Variants in PHF20 observed in about 807,000 individuals in gnomAD.
The protein encoded by PHF20 is glioma-expressed antigen 2.
Under a neutral mutation model 113.5 loss-of-function variants are expected in PHF20, and 23 were observed. The ratio of observed to expected loss-of-function variants is 0.20; its 90% CI spans 0.15 to 0.29. The LOEUF is 0.29. Ranked by LOEUF, PHF20 falls within the 10% of genes least tolerant of loss-of-function variation. PHF20 has a pLI of 1.00. For missense variants in PHF20, 943 were observed against 1,219.6 expected, an observed-to-expected ratio of 0.77 and a Z score of 3.38; for synonymous variants, 434 against 457.3, an observed-to-expected ratio of 0.95 and a Z score of 0.65.
intron 17 of PHF20, among the ~76,000 whole-genome samples, chr20:35,944,014 A>G (rs2056040330): frequency 1.3e-5 from 2 of 152,242 alleles, no homozygotes; most frequent in African/African-American, 4.8e-5. Context: ...TCTTAAATAA[A>G]AAATGTTGCC....
intron 2 of PHF20, among the ~76,000 whole-genome samples, chr20:35,822,684 A>G (rs1200994355): frequency 1.3e-5 from 2 of 148,888 alleles, no homozygotes; most frequent in Non-Finnish European, 3.0e-5. Flanking sequence ...AAATAAAACA[A>G]ATTAGCTGGG....
chr20:35,781,979 T>C (rs573493261), intron 1 of PHF20, among the ~76,000 whole-genome samples: 6 of 152,110 alleles, frequency 3.9e-5, no homozygotes, highest in Non-Finnish European at 7.4e-5. Flanking sequence ...TCTGTACCCA[T>C]TAAACACTGA....
intron 2 of PHF20, among the ~76,000 whole-genome samples, chr20:35,831,469 A>C (rs980048752): frequency 1.3e-5 from 2 of 152,256 alleles, no homozygotes; most frequent in Admixed American, 6.5e-5. Flanking sequence ...TGGGCTGATT[A>C]AATTTTTTTA....
intron 9 of PHF20, among the ~76,000 whole-genome samples, chr20:35,884,141 C>G (rs1236618185): frequency 6.6e-6 from 1 of 152,200 alleles, no homozygotes; most frequent in African/African-American, 2.4e-5. Context: ...GTTGAGAACT[C>G]ATTCACCAGG....
intron 9 of PHF20, among the ~76,000 whole-genome samples, chr20:35,895,879 G>A (rs1164599305): frequency 1.3e-5 from 2 of 151,814 alleles, no homozygotes; most frequent in Non-Finnish European, 2.9e-5. Context: ...TGGAAATGGG[G>A]TTTCACCATG....
intron 3 of PHF20, 47 bp from the exon 4 acceptor site, chr20:35,847,303 A>G: frequency 1.5e-6 from 2 of 1,329,156 alleles, no homozygotes; most frequent in Non-Finnish European, 2.1e-6. Context: ...ATGTCCTGTG[A>G]AATTAGGTTG....
intron 10 of PHF20, among the ~76,000 whole-genome samples, chr20:35,912,225 G>T (rs1253051332): frequency 4.0e-5 from 6 of 151,372 alleles, no homozygotes; most frequent in Admixed American, 1.3e-4. Context: ...TGATCTGCCC[G>T]CCTGGGCCTC....
chr20:35,804,229 G>GTTTTT (rs1216930263), intron 2 of PHF20, among the ~76,000 whole-genome samples: 32 of 99,564 alleles, frequency 3.2e-4, no homozygotes, highest in Middle Eastern at 6.5e-3. Context: ...GCTACTGTAT[G>GTTTTT]TTTTTTTTTT....
chr20:35,854,570 T>G (rs1317486969), intron 4 of PHF20, among the ~76,000 whole-genome samples: 4 of 152,136 alleles, frequency 2.6e-5, no homozygotes, highest in Admixed American at 2.6e-4. Flanking sequence ...TCTGTCTGAT[T>G]TATTGAAGCC....
chr20:35,828,511 C>T (rs185067772), intron 2 of PHF20, among the ~76,000 whole-genome samples: 7 of 152,270 alleles, frequency 4.6e-5, no homozygotes, highest in African/African-American at 1.2e-4. Flanking sequence ...AGTTTAAGCA[C>T]GTGCACGGTA....
At chr20:35,899,709 T>A in intron 10 of PHF20, 61 bp downstream of exon 10, 1 of 1,541,236 alleles carries the variant, frequency 6.5e-7, no homozygotes, top group Non-Finnish European at 8.9e-7. Context: ...ACAGTGCTTG[T>A]GTTTTCTGAC....
intron 13 of PHF20, among the ~76,000 whole-genome samples, chr20:35,924,624 G>A (rs1268272959): frequency 2.0e-5 from 3 of 151,090 alleles, no homozygotes; most frequent in Admixed American, 2.0e-4. Context: ...ACGGAGATTC[G>A]CTCTGTCACC....
intron 1 of PHF20, among the ~76,000 whole-genome samples, chr20:35,797,014 T>G (rs1485248515): frequency 6.6e-6 from 1 of 151,110 alleles, no homozygotes; most frequent in Non-Finnish European, 1.5e-5. Flanking sequence ...AATTTGCAGG[T>G]TTTTTTTTGG....
intron 17 of PHF20, 58 bp from the exon 18 acceptor site, chr20:35,947,427 T>G: frequency 6.4e-7 from 1 of 1,570,022 alleles, no homozygotes; most frequent in African/African-American, 1.4e-5. Flanking sequence ...CTTGCTGATG[T>G]TCTTGCAAAT....
intron 5 of PHF20, among the ~76,000 whole-genome samples, chr20:35,858,844 A>G (rs1373697559): frequency 4.6e-5 from 7 of 152,214 alleles, no homozygotes; most frequent in Admixed American, 4.6e-4. Flanking sequence ...AGGTGCTGGG[A>G]TTACAGGTGT....
At chr20:35,925,414 C>T (rs1376877134) in intron 13 of PHF20, among the ~76,000 whole-genome samples, 1 of 152,022 alleles carries the variant, frequency 6.6e-6, no homozygotes, top group Non-Finnish European at 1.5e-5. Context: ...AGGCGCCTGC[C>T]ACCATGCCTC....
At position 35,917,666 on chromosome 20, in the gene PHF20, G is replaced by A. The variant is rs1371751201; in HGVS notation, c.2004+4G>A. On this transcript the variant is annotated splice_donor_region_variant and intron_variant, in intron 13 of 17. Coordinates refer to ENST00000374012, the MANE Select transcript of PHF20 (RefSeq NM_016436.5). ...GGAAAATGACTTCATGATTCAGGTA[G>A]GCAGAGCTTCCAGGAAACAGGTCTA... is the stretch of plus-strand genomic sequence containing the variant. 6 of 1,611,460 alleles carry A rather than the reference G, an allele frequency of 3.7e-6. 1 individual carries two copies. The Admixed American group carries it at 1.0e-4, about 27-fold the overall frequency.
At position 35,871,700 on chromosome 20, in the gene PHF20, T is replaced by C. The variant is rs1465473011; in HGVS notation, c.1153T>C (p.Cys385Arg). The C allele has an allele frequency of 1.2e-6, 2 of 1,613,804 alleles. No homozygotes were observed. Among genetic ancestry groups the C allele is most frequent in the Non-Finnish European group, 1.7e-6 (2 of 1,179,862 alleles). The change falls in exon 9 of 18, where the codon TGC becomes CGC. Residue 385 changes from cysteine (C) to arginine (R), a missense_variant. This residue lies in a region of PHF20 where 592 missense variants were observed against 787.2 expected (regional missense o/e 0.75). Transcript: ENST00000374012. ...TGGCCAGGTCTCATCTGCACTGACT[T>C]GCCACTCCTTTGGGGATGGATCCGG... Reference protein sequence around the residue: ...EAGQVSSALTCHSFGDGSGAA... With the variant: ...EAGQVSSALTRHSFGDGSGAA...
intron 10 of PHF20, among the ~76,000 whole-genome samples, chr20:35,910,970 G>A (rs1046985454): frequency 3.3e-5 from 5 of 152,146 alleles, no homozygotes; most frequent in South Asian, 4.2e-4. Context: ...CCTGCAGTGC[G>A]CACTTGTTTT....
Sources: allele counts gnomAD v4.1 joint callset (sites outside exome capture counted in the v4.1 genomes callset), GRCh38; gene constraint gnomAD v4.1.1; regional missense constraint gnomAD v4.1.1; transcripts MANE v1.5; gene names NCBI Gene and HGNC (gene_info 2026-07-23, HGNC 2026-07-21).